Variants in NRG1 observed in about 807,000 individuals in gnomAD.
The protein encoded by NRG1 is neuregulin 1, also known as pro-neuregulin-1, membrane-bound isoform.
In NRG1, 18 loss-of-function variants were observed where a neutral mutation model predicts 63.8. The observed-to-expected ratio is 0.28, with a 90% CI of 0.19 to 0.42. The LOEUF is 0.42. Among genes scored for constraint, NRG1 ranks in the 10% least tolerant of loss-of-function variants. NRG1 has a pLI of 1.00. For missense variants in NRG1, 762 were observed against 814.7 expected (o/e 0.94, Z 0.79); for synonymous variants, 302 against 301.3 (o/e 1.00, Z -0.02).
At chr8:32,732,807 T>TC (rs1208600755) in intron 6 of NRG1, among the ~76,000 whole-genome samples, 1 of 141,718 alleles carries the variant, frequency 7.1e-6, no homozygotes, top group Non-Finnish European at 1.5e-5. Context: ...TTCTTTTTTT[T>TC]TTTTTTTTTT....
chr8:31,865,645 T>C (rs1828890673), intron 1 of NRG1, among the ~76,000 whole-genome samples: 2 of 152,146 alleles, frequency 1.3e-5, no homozygotes, highest in East Asian at 1.9e-4. Flanking sequence ...CACTTCTTCC[T>C]GCCGCCATGT....
At chr8:32,549,698 C>G (rs183626845) in intron 1 of NRG1, among the ~76,000 whole-genome samples, 2 of 152,096 alleles carry the variant, frequency 1.3e-5, no homozygotes, top group African/African-American at 2.4e-5. Context: ...CATCAGAACA[C>G]GAGCATGAAC....
At chr8:31,781,447 C>T (rs1380293498) in intron 1 of NRG1, among the ~76,000 whole-genome samples, 1 of 152,128 alleles carries the variant, frequency 6.6e-6, no homozygotes, top group African/African-American at 2.4e-5. Context: ...GCACATTTCC[C>T]TCGTTACCAA....
At chr8:32,311,038 A>G (rs1856754964) in intron 1 of NRG1, among the ~76,000 whole-genome samples, 1 of 152,030 alleles carries the variant, frequency 6.6e-6, no homozygotes, top group Non-Finnish European at 1.5e-5. Flanking sequence ...TTCATAGATC[A>G]CCCTGGGTAT....
At chr8:32,591,922 T>C (rs1290260425) in intron 1 of NRG1, among the ~76,000 whole-genome samples, 2 of 151,896 alleles carry the variant, frequency 1.3e-5, no homozygotes, top group Non-Finnish European at 2.9e-5. Flanking sequence ...AATCTGCACA[T>C]GTACCCCCTG....
intron 1 of NRG1, among the ~76,000 whole-genome samples, chr8:31,669,400 G>A (rs1411022121): frequency 6.6e-6 from 1 of 152,014 alleles, no homozygotes; most frequent in Non-Finnish European, 1.5e-5. Context: ...ACCATGCCCG[G>A]CTAATTTTTG....
chr8:32,601,181 T>C (rs988273681), intron 2 of NRG1, among the ~76,000 whole-genome samples: 8 of 152,174 alleles, frequency 5.3e-5, no homozygotes, highest in Admixed American at 5.2e-4. Flanking sequence ...ATGATGTCTC[T>C]GTAGAGTCCT....
intron 1 of NRG1, among the ~76,000 whole-genome samples, chr8:32,415,488 T>G (rs927858832): frequency 6.6e-6 from 1 of 152,196 alleles, no homozygotes; most frequent in African/African-American, 2.4e-5. Context: ...ATTTGTCATT[T>G]TCTTCAGTGA....
At chr8:31,788,615 A>G (rs1820401864) in intron 1 of NRG1, among the ~76,000 whole-genome samples, 1 of 152,180 alleles carries the variant, frequency 6.6e-6, no homozygotes, top group South Asian at 2.1e-4. Context: ...GTGTAAGGAC[A>G]CACTGGGGAT....
intron 1 of NRG1, among the ~76,000 whole-genome samples, chr8:31,967,710 C>A (rs1265249843): frequency 6.6e-6 from 1 of 152,154 alleles, no homozygotes; most frequent in Non-Finnish European, 1.5e-5. Context: ...GCAGTACTAC[C>A]AAGGCAAGAT....
At chr8:31,839,584 T>A (rs1826001592) in intron 1 of NRG1, among the ~76,000 whole-genome samples, 1 of 152,194 alleles carries the variant, frequency 6.6e-6, no homozygotes, top group Non-Finnish European at 1.5e-5. Context: ...CTAGAAAACC[T>A]TTCCCCTTCT....
intron 1 of NRG1, among the ~76,000 whole-genome samples, chr8:32,517,887 A>G (rs1012393865): frequency 2.6e-5 from 4 of 152,198 alleles, no homozygotes; most frequent in Non-Finnish European, 5.9e-5. Flanking sequence ...TTAAAAATAT[A>G]TTACCATATT....
chr8:32,459,522 G>A (rs1162409171), intron 1 of NRG1, among the ~76,000 whole-genome samples: 2 of 151,236 alleles, frequency 1.3e-5, no homozygotes, highest in Non-Finnish European at 2.9e-5. Context: ...AGTAATCCCA[G>A]CTACTCCAGG....
chr8:32,100,239 G>A lies in NRG1; in HGVS notation c.37+460808G>A, dbSNP rs371558391. Among the ~76,000 whole-genome samples, 103 of 152,118 alleles carry A rather than the reference G, an allele frequency of 6.8e-4. 2 individuals carry two copies. Among genetic ancestry groups the A allele is most frequent in the African/African-American group, 2.3e-3 (97 of 41,480 alleles). On this transcript the variant is annotated intron_variant, in intron 1 of 10. Coordinates refer to the NRG1 transcript ENST00000519301. ...AAAAACTGTGATGATAGAACCCAAA[G>A]TGTACTGAGAGATTTCTTAACTGTG... is the stretch of plus-strand genomic sequence containing the variant.
chr8:31,991,229 C>G (rs1472288467), intron 1 of NRG1, among the ~76,000 whole-genome samples: 1 of 152,024 alleles, frequency 6.6e-6, no homozygotes, highest in Non-Finnish European at 1.5e-5. Flanking sequence ...CCTCCTACCT[C>G]CACGGTGATT....
At chr8:32,726,355 A>G (rs1822191798) in intron 5 of NRG1, among the ~76,000 whole-genome samples, 1 of 151,918 alleles carries the variant, frequency 6.6e-6, no homozygotes, top group African/African-American at 2.4e-5. Flanking sequence ...TATCTAGATT[A>G]TTTATAACCT....
intron 1 of NRG1, among the ~76,000 whole-genome samples, chr8:32,468,597 T>C (rs541483602): frequency 1.3e-5 from 2 of 152,346 alleles, no homozygotes; most frequent in South Asian, 4.1e-4. Context: ...AACTTATATA[T>C]GTTCTTCCTA....
intron 1 of NRG1, among the ~76,000 whole-genome samples, chr8:32,523,828 G>C (rs1830557721): frequency 6.6e-6 from 1 of 152,140 alleles, no homozygotes; most frequent in African/African-American, 2.4e-5. Context: ...GGGAGACAGA[G>C]TGAGGCTCTG....
chr8:31,651,462 A>G (rs1453458488), intron 1 of NRG1, among the ~76,000 whole-genome samples: 2 of 152,200 alleles, frequency 1.3e-5, no homozygotes, highest in Non-Finnish European at 2.9e-5. Context: ...GGTTCTAATA[A>G]TTAGCACTGT....
Sources: gnomAD v4.1 joint callset for allele counts (sites outside exome capture counted in the v4.1 genomes callset) on GRCh38, gnomAD v4.1.1 for gene constraint, MANE v1.5 for transcripts, NCBI Gene and HGNC (gene_info 2026-07-23, HGNC 2026-07-21) for gene names.